The following MYO16 variants were observed in gnomAD, a reference collection of about 807,000 sequenced individuals.
MYO16 encodes myosin XVI, also known as unconventional myosin-XVI.
MYO16 carries 94 observed loss-of-function variants against 205.3 expected under a neutral mutation model. The observed-to-expected ratio is 0.46, with a 90% CI of 0.39 to 0.54. The LOEUF is 0.54. MYO16 is among the 20% of genes least tolerant of loss of function. The probability of loss-of-function intolerance (pLI) is 0.00; values close to 1 mark genes in which losing one functional copy is unlikely to be tolerated. For synonymous variants in MYO16, 988 were observed against 954.0 expected, an observed-to-expected ratio of 1.04 and a Z score of -0.66; for missense variants, 2,315 against 2,387.5, an observed-to-expected ratio of 0.97 and a Z score of 0.63.
the MYO16 span, among the ~76,000 whole-genome samples, chr13:108,516,516 T>G: frequency 2.6e-5 from 4 of 152,188 alleles, no homozygotes; most frequent in African/African-American, 9.6e-5. Flanking sequence ...AGTTAATTTT[T>G]GAAAATTGAT....
At chr13:108,752,808 ATTT>A (rs58645882) in intron 4 of MYO16, among the ~76,000 whole-genome samples, 23,141 of 89,030 alleles carry the variant, frequency 0.26, 2,925 homozygotes, top group African/African-American at 0.43. Context: ...TGCCCAGCTA[ATTT>A]TTTTTTTTTT....
At chr13:109,146,849 GAA>G (rs1350704733) in intron 32 of MYO16, among the ~76,000 whole-genome samples, 1 of 148,094 alleles carries the variant, frequency 6.8e-6, no homozygotes, top group Non-Finnish European at 1.5e-5. Flanking sequence ...AAAAGAGAAA[GAA>G]AAAAAGAAAG....
chr13:108,556,496 T>A, the MYO16 span, among the ~76,000 whole-genome samples: 1 of 152,198 alleles, frequency 6.6e-6, no homozygotes, highest in Non-Finnish European at 1.5e-5. Flanking sequence ...TTCTTGCTAT[T>A]GAATTGTTTG....
At chr13:109,092,049 G>A (rs1888639035) in intron 27 of MYO16, among the ~76,000 whole-genome samples, 1 of 152,114 alleles carries the variant, frequency 6.6e-6, no homozygotes, top group South Asian at 2.1e-4. Context: ...GTTTCTCTTA[G>A]TAAGTGTTCA....
chr13:108,843,875 ATAT>A (rs977705458), intron 9 of MYO16, among the ~76,000 whole-genome samples: 11 of 152,088 alleles, frequency 7.2e-5, no homozygotes, highest in African/African-American at 1.9e-4. Flanking sequence ...TTTAATTCTC[ATAT>A]TATTATTCCA....
chr13:108,770,297 GTTTTA>G (rs1025232236), intron 4 of MYO16, among the ~76,000 whole-genome samples: 13 of 152,016 alleles, frequency 8.6e-5, no homozygotes, highest in East Asian at 7.7e-4. Context: ...TTAGAAATTT[GTTTTA>G]TTTTATTTTT....
chr13:108,765,037 C>A (rs1427659473), intron 4 of MYO16, among the ~76,000 whole-genome samples: 1 of 152,160 alleles, frequency 6.6e-6, no homozygotes, highest in Non-Finnish European at 1.5e-5. Flanking sequence ...CACATAATTT[C>A]ATCACATAGA....
intron 12 of MYO16, among the ~76,000 whole-genome samples, chr13:108,880,390 A>G (rs573768549): frequency 3.3e-4 from 50 of 151,862 alleles, no homozygotes; most frequent in Non-Finnish European, 3.4e-4. Flanking sequence ...GTCAATTTTG[A>G]CTTTTGTTGC....
At chr13:108,533,997 C>T in the MYO16 span, among the ~76,000 whole-genome samples, 1 of 152,168 alleles carries the variant, frequency 6.6e-6, no homozygotes, top group Middle Eastern at 3.4e-3. Flanking sequence ...TTTATGTTTG[C>T]TCAGATAGGC....
At chr13:108,641,007 G>C (rs1443313943) in intron 1 of MYO16, among the ~76,000 whole-genome samples, 2 of 152,146 alleles carry the variant, frequency 1.3e-5, no homozygotes, top group African/African-American at 4.8e-5. Flanking sequence ...GCTTCATACT[G>C]TGGAGTCCAT....
chr13:108,707,268 T>C (rs1425593095), intron 2 of MYO16, among the ~76,000 whole-genome samples: 2 of 152,034 alleles, frequency 1.3e-5, no homozygotes, highest in East Asian at 3.9e-4. Context: ...CTCAGTATTA[T>C]AGGAACATAG....
rs140981391 is a variant in MYO16, at chr13:108,957,889, A to G, written c.2037+90A>G. ...ATTCAAAAGCATTTACTGAGCCCCTATGACATTCCAGATGTTGCCGAGGAC... is the reference window on the plus strand; with the variant it reads ...ATTCAAAAGCATTTACTGAGCCCCTGTGACATTCCAGATGTTGCCGAGGAC... On this transcript the variant is annotated intron_variant, in intron 17 of 34. Coordinates refer to ENST00000457511, the MANE Select transcript of MYO16 (RefSeq NM_001198950.3). 5.4e-5 allele frequency: 55 copies of G among 1,015,704 alleles called. No individual in the cohort carries two copies. In the African/African-American group the frequency reaches 6.9e-4, roughly 13 times the overall value. 62.9% of individuals were successfully genotyped at this position (1,015,704 alleles called of 1,614,324 possible).
chr13:108,865,948 G>T (rs1878691156), intron 11 of MYO16, among the ~76,000 whole-genome samples: 1 of 151,678 alleles, frequency 6.6e-6, no homozygotes, highest in South Asian at 2.1e-4. Context: ...TTTCTCTTAT[G>T]TTCAGTGAAA....
intron 1 of MYO16, among the ~76,000 whole-genome samples, chr13:108,613,480 A>G (rs1316407354): frequency 6.6e-6 from 1 of 152,124 alleles, no homozygotes; most frequent in Non-Finnish European, 1.5e-5. Context: ...TAGTGTCATA[A>G]TAGATGAAGA....
intron 2 of MYO16, among the ~76,000 whole-genome samples, chr13:108,695,879 G>C: frequency 6.6e-6 from 1 of 152,080 alleles, no homozygotes; most frequent in East Asian, 1.9e-4. Context: ...TTTAACAGTT[G>C]AAAACTAATG....
chr13:108,757,629 T>C (rs1473649899), intron 4 of MYO16, among the ~76,000 whole-genome samples: 8 of 151,832 alleles, frequency 5.3e-5, no homozygotes, highest in African/African-American at 1.9e-4. Flanking sequence ...TCCCTCCCCC[T>C]TCTCCCCACC....
chr13:108,856,339 A>G (rs764405610), intron 11 of MYO16, among the ~76,000 whole-genome samples: 4 of 152,112 alleles, frequency 2.6e-5, no homozygotes, highest in Non-Finnish European at 5.9e-5. Flanking sequence ...TTTCTAGTCT[A>G]CTGAGGAACT....
intron 23 of MYO16, among the ~76,000 whole-genome samples, chr13:109,023,418 A>C (rs1376764485): frequency 3.1e-3 from 273 of 87,458 alleles, no homozygotes; most frequent in African/African-American, 0.012. Context: ...TTATACAGAT[A>C]TAAATATATA....
intron 20 of MYO16, among the ~76,000 whole-genome samples, chr13:108,987,129 A>G (rs536084772): frequency 1.3e-5 from 2 of 152,302 alleles, no homozygotes; most frequent in South Asian, 4.1e-4. Context: ...GTACTTCCTA[A>G]CATATATTTC....
Sources: gnomAD v4.1 joint callset for allele counts (sites outside exome capture counted in the v4.1 genomes callset) on GRCh38, gnomAD v4.1.1 for gene constraint, MANE v1.5 for transcripts, NCBI Gene and HGNC (gene_info 2026-07-23, HGNC 2026-07-21) for gene names.